Variants in PTK7 observed in about 807,000 individuals in gnomAD.
The protein encoded by PTK7 is protein tyrosine kinase 7 (inactive), also known as inactive tyrosine-protein kinase 7.
PTK7 carries 39 observed loss-of-function variants against 116.6 expected under a neutral mutation model. The ratio of observed to expected loss-of-function variants is 0.33; its 90% CI spans 0.26 to 0.44. The LOEUF (loss-of-function observed/expected upper bound fraction) is 0.44. PTK7 is among the 20% of genes least tolerant of loss of function. The pLI, the probability that PTK7 is intolerant of heterozygous loss-of-function variation, is 1.00. For synonymous variants in PTK7, 546 were observed against 563.6 expected, an observed-to-expected ratio of 0.97 and a Z score of 0.44; for missense variants, 1,169 against 1,425.6, an observed-to-expected ratio of 0.82 and a Z score of 2.90.
At chr6:43,088,975 A>T (rs190028408) in intron 1 of PTK7, among the ~76,000 whole-genome samples, 1 of 152,080 alleles carries the variant, frequency 6.6e-6, no homozygotes, top group Non-Finnish European at 1.5e-5. Flanking sequence ...AGTCATCCCC[A>T]TAGTGGTTAA....
At chr6:43,105,543 C>T (rs1272519684) in intron 1 of PTK7, among the ~76,000 whole-genome samples, 1 of 151,412 alleles carries the variant, frequency 6.6e-6, no homozygotes, top group Non-Finnish European at 1.5e-5. Context: ...TCCTAAGCCT[C>T]AGTACCTGTG....
intron 1 of PTK7, among the ~76,000 whole-genome samples, chr6:43,117,885 G>A (rs1255117448): frequency 1.5e-4 from 22 of 151,140 alleles, no homozygotes; most frequent in Non-Finnish European, 2.8e-4. Context: ...GCAGTGAGCC[G>A]AGATCATGCC....
intron 1 of PTK7, among the ~76,000 whole-genome samples, chr6:43,087,464 T>C (rs1003621236): frequency 2.0e-5 from 3 of 152,168 alleles, no homozygotes; most frequent in Non-Finnish European, 4.4e-5. Context: ...TTAGAGGAAT[T>C]CCTGCAAGAG....
rs1211457157 is a variant in PTK7, at chr6:43,143,276, C to T, written c.2048-141C>T. The T allele has an allele frequency of 8.0e-6, 6 of 753,726 alleles. No individual in the cohort carries two copies. The highest frequency in any genetic ancestry group is 1.8e-5 in the African/African-American group (1 of 57,024). The allele number at this position is 753,726 out of a possible 1,614,324, so 46.7% of individuals were successfully genotyped here. A position where few individuals can be genotyped will look rare whatever the true frequency, so the allele number is the denominator to read the frequency against. On this transcript the variant is annotated intron_variant, in intron 13 of 19. Coordinates refer to ENST00000230419, the MANE Select transcript of PTK7 (RefSeq NM_002821.5). This position sits in a 1 kb window ranked among gnomAD's most constrained non-coding sequence, Gnocchi z 4.2. ...GGTGGGGCATGAGGACCTGCTGGCC[C>T]TTGTTAAAGCCAGTGAAGGTGGTGA...
intron 1 of PTK7, among the ~76,000 whole-genome samples, chr6:43,126,666 C>T (rs985338451): frequency 6.6e-6 from 1 of 152,234 alleles, no homozygotes; most frequent in Non-Finnish European, 1.5e-5. Flanking sequence ...AGTCCTGGCT[C>T]TGCCACATAT....
rs761612650 is a variant in PTK7, at chr6:43,159,881, C to G, written c.2967C>G (p.Val989=). The change falls in exon 19 of 20, where the codon GTC becomes GTG. Residue 989 remains valine (V), a synonymous_variant. Transcript: ENST00000230419. ...LEGDFSTKSD[V]WAFGVLMWEV... The stretch of plus-strand genomic sequence containing the variant: ...GTGACTTCTCTACCAAGTCTGATGT[C>G]TGGGCCTTCGGTGTGCTGATGTGGG... The G allele has an allele frequency of 4.1e-5, 66 of 1,614,250 alleles. No individual in the cohort carries two copies. Among genetic ancestry groups the G allele is most frequent in the Non-Finnish European group, 5.6e-5 (66 of 1,180,052 alleles).
chr6:43,111,031 A>G (rs144347814), intron 1 of PTK7, among the ~76,000 whole-genome samples: 1 of 152,296 alleles, frequency 6.6e-6, no homozygotes, highest in East Asian at 1.9e-4. Flanking sequence ...TCATACCAAG[A>G]TGACTGGGTC....
intron 3 of PTK7, 119 bp from the exon 4 acceptor site, chr6:43,130,111 C>A: frequency 9.0e-7 from 1 of 1,113,748 alleles, no homozygotes; most frequent in Non-Finnish European, 1.3e-6. Context: ...CCTTCCCTTC[C>A]TCAGGCCGTT....
intron 17 of PTK7, among the ~76,000 whole-genome samples, chr6:43,152,794 GTA>G (rs1582218237): frequency 6.8e-6 from 1 of 147,188 alleles, no homozygotes; most frequent in East Asian, 2.0e-4. Context: ...GTTATGTTAT[GTA>G]TTCTTTAGAG....
At position 43,130,655 on chromosome 6, in the gene PTK7, G is replaced by A. The variant is rs78949718; in HGVS notation, c.806G>A (p.Arg269His). Residue 269 changes from arginine to histidine, a missense_variant, in exon 5 of 20, where the codon CGC becomes CAC. Arg to His is a conservative substitution (Grantham distance 29). Around this residue, in one of 3 missense-constraint regions of PTK7, gnomAD observed 487 missense variants for 549.8 expected, o/e 0.89. Coordinates refer to ENST00000230419, the MANE Select transcript of PTK7 (RefSeq NM_002821.5). ...GAGGATGAGACTCCCATCACTAACC[G>A]CAGTCGGTAAGGCATCTGGCTGGGA... Reference protein sequence around the residue: ...LFEDETPITNRSRPPHLRRAT... With the variant: ...LFEDETPITNHSRPPHLRRAT... The A allele has an allele frequency of 5.0e-4, 801 of 1,614,136 alleles. 2 individuals carry two copies. Among genetic ancestry groups the A allele is most frequent in the Middle Eastern group, 4.1e-3 (25 of 6,062 alleles).
rs1035802108 is a variant in PTK7 at position 43,130,626 on chromosome 6, C to A, written c.777C>A (p.Leu259=). Residue 259 remains leucine (L), a synonymous_variant, in exon 5 of 20, where the codon CTC becomes CTA. Coordinates refer to ENST00000230419, the MANE Select transcript of PTK7 (RefSeq NM_002821.5). ...AGCCACCCCCGAGCCTGCAGTGGCT[C>A]TTTGAGGATGAGACTCCCATCACTA... The part of the protein sequence containing the change: ...SAQPPPSLQW[L]FEDETPITNR... The A allele has an allele frequency of 8.7e-6, 14 of 1,614,212 alleles. No homozygotes were observed. The highest frequency in any genetic ancestry group is 1.6e-4 in the Middle Eastern group (1 of 6,062).
At chr6:43,132,368 G>A (rs1473033243) in intron 6 of PTK7, 53 bp from the exon 7 acceptor site, 17 of 1,533,552 alleles carry the variant, frequency 1.1e-5, no homozygotes, top group Non-Finnish European at 1.4e-5. Context: ...AGAACATCAT[G>A]TACCCTGAGA....
At chr6:43,137,698 TAAG>T (rs1770120579) in intron 7 of PTK7, among the ~76,000 whole-genome samples, 2 of 152,320 alleles carry the variant, frequency 1.3e-5, no homozygotes, top group South Asian at 2.1e-4. Context: ...TATGGTGTAA[TAAG>T]AAGAACAAGG....
At position 43,161,140 on chromosome 6, in the gene PTK7, G is replaced by A; in HGVS notation, c.*259G>A. 6.6e-6 allele frequency: 3 copies of A among 452,962 alleles called. No individual in the cohort carries two copies. The highest frequency in any genetic ancestry group is 7.8e-5 in the South Asian group (2 of 25,696). The allele number at this position is 452,962 out of a possible 1,614,324, so 28.1% of individuals were successfully genotyped here. A position where few individuals can be genotyped will look rare whatever the true frequency, so the allele number is the denominator to read the frequency against. On this transcript the variant is annotated 3_prime_UTR_variant, in exon 20 of 20. Transcript: ENST00000230419. ...CCCTGCCACCTCTTCCTCTATCAGG[G>A]ACAGTGTGGGTGCCACAGGTAACCC...
chr6:43,146,716 AGGAG>A lies in PTK7; in HGVS notation c.2721+27_2721+30del, dbSNP rs770403780. The stretch of plus-strand genomic sequence containing the variant: ...AGCAGAAGGTGAGGACAGGGAGTGA[AGGAG>A]GGAGGGAGAGGGTGCCCAGGGGTGG... On this transcript the variant is annotated intron_variant, in intron 17 of 19. Transcript: ENST00000230419. 4.4e-6 allele frequency: 7 copies of A among 1,608,836 alleles called. No homozygotes were observed. Among genetic ancestry groups the A allele is most frequent in the Non-Finnish European group, 5.1e-6 (6 of 1,177,706 alleles).
intron 1 of PTK7, among the ~76,000 whole-genome samples, chr6:43,118,651 CTCTCTCTCTATATATATATATATA>C (rs1188803069): frequency 1.5e-4 from 12 of 82,708 alleles, no homozygotes; most frequent in African/African-American, 3.1e-4. Flanking sequence ...CTCTCTCTCT[CTCTCTCTCTATATATATATATATA>C]TATATATATA....
chr6:43,139,023 C>G lies in PTK7; in HGVS notation c.1362+41C>G. ...GTTGCTAGTGGATGGGCGGGGCCTT[C>G]CCTCCACTTGCCCTCTTCTGTGCTC... On this transcript the variant is annotated intron_variant, in intron 8 of 19. Transcript: ENST00000230419. The surrounding 1 kb of genome is among the most constrained non-coding windows in gnomAD (Gnocchi z 4.6). 2 of 1,607,960 alleles carry G rather than the reference C, an allele frequency of 1.2e-6. No homozygotes were observed. Among genetic ancestry groups the G allele is most frequent in the African/African-American group, 1.3e-5 (1 of 74,932 alleles).
At position 43,132,470 on chromosome 6, in the gene PTK7, C is replaced by T. The variant is rs373121667; in HGVS notation, c.1011C>T (p.Ser337=). The change falls in exon 7 of 20, where the codon AGC becomes AGT. Residue 337 remains serine (S), a synonymous_variant. Transcript: ENST00000230419. ...LFEPRVFTAG[S]EERVTCLPPK... is the part of the protein sequence containing the mutation. ...AGCCACGGGTGTTTACAGCTGGCAG[C>T]GAGGAGCGTGTGACCTGCCTTCCCC... The T allele has an allele frequency of 8.8e-6, 14 of 1,596,548 alleles. No individual in the cohort carries two copies. The highest frequency in any genetic ancestry group is 6.7e-5 in the African/African-American group (5 of 74,626).
Position 43,154,162 on chromosome 6 carries a change from CTAAATAAA to C in PTK7, c.2722-4634_2722-4627del, listed in dbSNP as rs371217159. Among the ~76,000 whole-genome samples the C allele has an allele frequency of 2.0e-4, 30 of 150,048 alleles. No homozygotes were observed. The South Asian group carries it at 3.6e-3, about 18-fold the overall frequency. ...TGGGTGACAGAGCAAGACTCAGTCT[CTAAATAAA>C]TAAATAAATAAATAAATAAAATTAG... On this transcript the variant is annotated intron_variant, in intron 17 of 19. Transcript: ENST00000230419.
Sources: gnomAD v4.1 joint callset for allele counts (sites outside exome capture counted in the v4.1 genomes callset) on GRCh38, gnomAD v4.1.1 for gene constraint, gnomAD v4.1.1 regional missense constraint, Gnocchi (gnomAD v3.1) non-coding constraint, MANE v1.5 for transcripts, NCBI Gene and HGNC (gene_info 2026-07-23, HGNC 2026-07-21) for gene names.